Variants in STAU1 observed in about 807,000 individuals in gnomAD.
STAU1 encodes double-stranded RNA-binding protein Staufen homolog 1.
STAU1 carries 13 observed loss-of-function variants against 62.9 expected under a neutral mutation model. The observed-to-expected ratio is 0.21, with a 90% CI of 0.13 to 0.33. The LOEUF (loss-of-function observed/expected upper bound fraction) is 0.33. STAU1 is among the 10% of genes least tolerant of loss of function. The probability of loss-of-function intolerance (pLI) is 1.00; values close to 1 mark genes in which losing one functional copy is unlikely to be tolerated. For missense variants in STAU1, 571 were observed against 712.1 expected (o/e 0.80, Z 2.25); for synonymous variants, 269 against 265.1 (o/e 1.01, Z -0.14).
chr20:49,136,482 C>T (rs11696396), intron 5 of STAU1, among the ~76,000 whole-genome samples: 58,291 of 152,016 alleles, frequency 0.38, 11,276 homozygotes, highest in Middle Eastern at 0.48. Flanking sequence ...AAAAACAATC[C>T]GCACATAATA....
At chr20:49,169,076 G>A (rs532193643) in intron 2 of STAU1, among the ~76,000 whole-genome samples, 1 of 151,546 alleles carries the variant, frequency 6.6e-6, no homozygotes, top group African/African-American at 2.4e-5. Flanking sequence ...TTAGTCTCCC[G>A]AGTACTTAGG....
the STAU1 span, among the ~76,000 whole-genome samples, chr20:49,196,363 G>C: frequency 1.3e-4 from 19 of 151,082 alleles, no homozygotes; most frequent in Non-Finnish European, 2.2e-4. Context: ...GTGAACCCCG[G>C]GGGGCGGAGC....
intron 2 of STAU1, among the ~76,000 whole-genome samples, chr20:49,170,758 T>C (rs1229371208): frequency 1.4e-5 from 2 of 146,376 alleles, no homozygotes; most frequent in Non-Finnish European, 3.0e-5. Flanking sequence ...TCATAATAAG[T>C]GATATTTCCA....
intron 5 of STAU1, among the ~76,000 whole-genome samples, chr20:49,150,350 T>C (rs1568882110): frequency 6.6e-6 from 1 of 151,564 alleles, no homozygotes; most frequent in Non-Finnish European, 1.5e-5. Context: ...ATTTAGGTTA[T>C]ATAATTTTTA....
At position 49,117,879 on chromosome 20, in the gene STAU1, C is replaced by A; in HGVS notation, c.1407G>T (p.Glu469Asp). 6.2e-7 allele frequency: 1 copy of A among 1,614,156 alleles called. No individual in the cohort carries two copies. Among genetic ancestry groups the A allele is most frequent in the Non-Finnish European group, 8.5e-7 (1 of 1,180,040 alleles). ...LLYGGTSPTA[E>D]TILKNNISSG... ...AAGAGATGTTATTCTTTAAAATGGTCTCGGCTGTGGGCGAGGTGCCCCCAT... is the reference window on the plus strand; with the variant it reads ...AAGAGATGTTATTCTTTAAAATGGTATCGGCTGTGGGCGAGGTGCCCCCAT... The change falls in exon 11 of 14, where the codon GAG (glutamate) becomes GAT (aspartate). Residue 469 changes from glutamate to aspartate, a missense_variant. Coordinates refer to ENST00000371856, the MANE Select transcript of STAU1 (RefSeq NM_017453.4). The surrounding 1 kb of genome is among the most constrained non-coding windows in gnomAD (Gnocchi z 4.6).
chr20:49,162,820 C>G, intron 3 of STAU1, among the ~76,000 whole-genome samples: 1 of 149,628 alleles, frequency 6.7e-6, no homozygotes, highest in Non-Finnish European at 1.5e-5. Flanking sequence ...AATGAGAAGA[C>G]AAAGGAGGAA....
intron 5 of STAU1, among the ~76,000 whole-genome samples, chr20:49,142,237 C>A (rs973842837): frequency 6.6e-6 from 1 of 152,072 alleles, no homozygotes; most frequent in Non-Finnish European, 1.5e-5. Context: ...CAGGCACAAG[C>A]CACCATGCCT....
At chr20:49,159,161 A>G (rs1568901589) in intron 3 of STAU1, 1 of 1,082,106 alleles carries the variant, frequency 9.2e-7, no homozygotes, top group Non-Finnish European at 1.1e-6. Context: ...AAAAAAAAAA[A>G]CACACAAAGT....
At chr20:49,127,051 T>G (rs1474876885) in intron 6 of STAU1, among the ~76,000 whole-genome samples, 3 of 151,914 alleles carry the variant, frequency 2.0e-5, no homozygotes, top group Non-Finnish European at 4.4e-5. Flanking sequence ...AAAAAAGAAA[T>G]TCCTCAAAAT....
the STAU1 span, among the ~76,000 whole-genome samples, chr20:49,206,719 T>TATATATATATA: frequency 8.5e-5 from 9 of 106,038 alleles, no homozygotes; most frequent in South Asian, 9.6e-4. Flanking sequence ...AAATGAAATT[T>TATATATATATA]TATATATATA....
intron 5 of STAU1, among the ~76,000 whole-genome samples, chr20:49,149,898 G>A (rs915814966): frequency 2.0e-5 from 3 of 151,746 alleles, no homozygotes; most frequent in Non-Finnish European, 4.4e-5. Context: ...AGGTCCACTC[G>A]GGTCTACACC....
intron 6 of STAU1, among the ~76,000 whole-genome samples, chr20:49,127,230 T>A (rs1359426645): frequency 6.6e-6 from 1 of 152,052 alleles, no homozygotes; most frequent in Admixed American, 6.6e-5. Context: ...GGCGGGCACC[T>A]GTAATCCCAG....
At chr20:49,210,771 TTTAA>T in the STAU1 span, among the ~76,000 whole-genome samples, 1 of 152,200 alleles carries the variant, frequency 6.6e-6, no homozygotes, top group African/African-American at 2.4e-5. Flanking sequence ...AACTCTTCCT[TTTAA>T]TTTTTTCTTT....
chr20:49,168,182 G>A (rs1191333938), intron 2 of STAU1, among the ~76,000 whole-genome samples: 10 of 151,652 alleles, frequency 6.6e-5, no homozygotes, highest in Non-Finnish European at 2.9e-5. Flanking sequence ...CTGGGCTCAA[G>A]CAATTTTCCT....
At chr20:49,201,071 A>AAAAAAG in the STAU1 span, among the ~76,000 whole-genome samples, 28 of 104,608 alleles carry the variant, frequency 2.7e-4, no homozygotes, top group Non-Finnish European at 4.2e-4. Context: ...AAAAAAAAAA[A>AAAAAAG]AAGAAGAAGA....
intron 3 of STAU1, among the ~76,000 whole-genome samples, chr20:49,161,917 T>A (rs1306806515): frequency 1.3e-5 from 2 of 151,642 alleles, no homozygotes; most frequent in African/African-American, 4.9e-5. Flanking sequence ...CAAAAGAGAG[T>A]GAAGTCAGGG....
intron 5 of STAU1, 119 bp from the exon 6 acceptor site, chr20:49,136,050 A>T: frequency 1.4e-6 from 1 of 717,368 alleles, no homozygotes; most frequent in South Asian, 1.9e-5. Context: ...GCTTGAGCCC[A>T]GGAGTCTGAG....
At chr20:49,119,291 C>T (rs1482022393) in intron 9 of STAU1, among the ~76,000 whole-genome samples, 1 of 152,156 alleles carries the variant, frequency 6.6e-6, no homozygotes, top group East Asian at 1.9e-4. Flanking sequence ...GCTCAATCCT[C>T]CCATCTCAGC....
At chr20:49,180,327 T>TC (rs201869308) in intron 1 of STAU1, among the ~76,000 whole-genome samples, 14,346 of 99,054 alleles carry the variant, frequency 0.14, 929 homozygotes, top group Non-Finnish European at 0.18. Context: ...TTCTTTTTTT[T>TC]TTTTTCCCCC....
Sources: gnomAD v4.1 joint callset for allele counts (sites outside exome capture counted in the v4.1 genomes callset) on GRCh38, gnomAD v4.1.1 for gene constraint, Gnocchi (gnomAD v3.1) non-coding constraint, MANE v1.5 for transcripts, NCBI Gene and HGNC (gene_info 2026-07-23, HGNC 2026-07-21) for gene names.